The following ATP11A variants were observed in gnomAD, a reference collection of about 807,000 sequenced individuals.
ATP11A encodes the protein ATPase phospholipid transporting 11A.
ATP11A carries 81 observed loss-of-function variants against 154.4 expected under a neutral mutation model. That is an observed-to-expected ratio of 0.52 (90% confidence interval 0.44 to 0.63). The LOEUF is 0.63. ATP11A is among the 30% of genes least tolerant of loss of function. The probability of loss-of-function intolerance (pLI) is 0.00; values close to 1 mark genes in which losing one functional copy is unlikely to be tolerated. For missense variants in ATP11A, 1,316 were observed against 1,474.3 expected, an observed-to-expected ratio of 0.89 and a Z score of 1.76; for synonymous variants, 623 against 585.9, an observed-to-expected ratio of 1.06 and a Z score of -0.91.
At chr13:112,755,783 C>T (rs976801936) in intron 1 of ATP11A, among the ~76,000 whole-genome samples, 8 of 141,080 alleles carry the variant, frequency 5.7e-5, no homozygotes, top group East Asian at 2.1e-4. Flanking sequence ...TTTCCGGTCA[C>T]GGAAGCGGCA....
intron 1 of ATP11A, among the ~76,000 whole-genome samples, chr13:112,752,819 T>C (rs1006238530): frequency 1.3e-5 from 2 of 152,218 alleles, no homozygotes; most frequent in East Asian, 3.9e-4. Context: ...AATGTAGTTG[T>C]CAGTGTAGCA....
At chr13:112,848,178 G>T (rs946132232) in intron 17 of ATP11A, among the ~76,000 whole-genome samples, 2 of 152,154 alleles carry the variant, frequency 1.3e-5, no homozygotes, top group African/African-American at 4.8e-5. Context: ...TTTGGGTAGT[G>T]TTGTCATCTT....
At chr13:112,835,609 C>T (rs2079211660) in intron 15 of ATP11A, among the ~76,000 whole-genome samples, 1 of 152,206 alleles carries the variant, frequency 6.6e-6, no homozygotes, top group South Asian at 2.1e-4. Flanking sequence ...GCTGGGCTGG[C>T]ACTGCGGCCA....
chr13:112,847,120 C>G (rs1183745584), intron 17 of ATP11A, among the ~76,000 whole-genome samples: 1 of 152,230 alleles, frequency 6.6e-6, no homozygotes, highest in Non-Finnish European at 1.5e-5. Context: ...CGTTCCCCTG[C>G]CCGAGCCTCG....
rs891424479 is a variant in ATP11A at position 112,859,823 on chromosome 13, G to T, written c.2727+371G>T. ...CATGGGCCACCCCGGTGCCTGGCACGTTAACACATGCAACGTGCCCATAGG... is the reference window on the plus strand; with the variant it reads ...CATGGGCCACCCCGGTGCCTGGCACTTTAACACATGCAACGTGCCCATAGG... On this transcript the variant is annotated intron_variant, in intron 23 of 29. Transcript: ENST00000375645. This position sits in a 1 kb window ranked among gnomAD's most constrained non-coding sequence, Gnocchi z 4.3. Among the ~76,000 whole-genome samples, 1 of 152,220 alleles carries T rather than the reference G, an allele frequency of 6.6e-6. No homozygotes were observed.
intron 2 of ATP11A, among the ~76,000 whole-genome samples, chr13:112,802,232 A>G (rs1566501307): frequency 6.6e-6 from 1 of 152,072 alleles, no homozygotes; most frequent in Non-Finnish European, 1.5e-5. Context: ...TGTAGTCCCA[A>G]TTACTCAGGA....
chr13:112,777,103 G>A (rs76707689), intron 1 of ATP11A, among the ~76,000 whole-genome samples: 22 of 152,180 alleles, frequency 1.4e-4, no homozygotes, highest in African/African-American at 5.1e-4. Context: ...AATTTTCCTC[G>A]ACCACTGAAC....
intron 1 of ATP11A, among the ~76,000 whole-genome samples, chr13:112,712,446 C>T (rs1344944169): frequency 6.6e-6 from 1 of 152,194 alleles, no homozygotes; most frequent in Non-Finnish European, 1.5e-5. Context: ...TATCCAAGCT[C>T]ACTGGGCCCC....
At chr13:112,756,506 G>A (rs547600880) in intron 1 of ATP11A, among the ~76,000 whole-genome samples, 1 of 152,298 alleles carries the variant, frequency 6.6e-6, no homozygotes, top group African/African-American at 2.4e-5. Flanking sequence ...CGCTCTCTTG[G>A]TAACAGGGTC....
At chr13:112,847,256 C>T (rs937768636) in intron 17 of ATP11A, among the ~76,000 whole-genome samples, 6 of 152,204 alleles carry the variant, frequency 3.9e-5, no homozygotes, top group African/African-American at 1.4e-4. Flanking sequence ...CCAGAGGGGC[C>T]TGTGTGTCCT....
At chr13:112,873,542 C>A in intron 26 of ATP11A, 31 bp from the exon 27 acceptor site, 1 of 1,531,786 alleles carries the variant, frequency 6.5e-7, no homozygotes, top group South Asian at 1.2e-5. Context: ...TCAGATGACA[C>A]CGTTAACTGC....
intron 1 of ATP11A, among the ~76,000 whole-genome samples, chr13:112,712,121 G>C (rs1012817708): frequency 3.3e-5 from 5 of 152,170 alleles, no homozygotes; most frequent in Non-Finnish European, 5.9e-5. Flanking sequence ...TGGCTCCCAC[G>C]TGTTTTCCCC....
At chr13:112,804,817 T>G (rs2078277935) in intron 2 of ATP11A, 140 bp from the exon 3 acceptor site, 1 of 515,422 alleles carries the variant, frequency 1.9e-6, no homozygotes, top group Non-Finnish European at 3.3e-6. Flanking sequence ...ACAAACACTC[T>G]AAATTATGAA....
chr13:112,819,350 A>G lies in ATP11A; in HGVS notation c.617A>G (p.Asp206Gly), dbSNP rs757493356. Residue 206 changes from aspartate (D) to glycine (G), a missense_variant, in exon 7 of 30, where the codon GAT becomes GGT. Asp to Gly is a moderately conservative substitution (Grantham distance 94). Transcript: ENST00000375645. ...QDTKGFHTEE[D>G]IGGLHATIEC... ...ACCAAAGGCTTCCACACAGAGGAGG[A>G]TATCGGCGGACTTCACGCCACCATC... The G allele has an allele frequency of 2.0e-5, 32 of 1,614,112 alleles. No individual in the cohort carries two copies. Among genetic ancestry groups the G allele is most frequent in the Non-Finnish European group, 2.6e-5 (31 of 1,180,056 alleles).
intron 2 of ATP11A, among the ~76,000 whole-genome samples, chr13:112,793,304 T>C (rs2077909509): frequency 6.6e-6 from 1 of 152,132 alleles, no homozygotes; most frequent in South Asian, 2.1e-4. Flanking sequence ...CGGGTTTAAG[T>C]GATTCTCCTG....
chr13:112,829,977 C>T lies in ATP11A; in HGVS notation c.1222-1398C>T, dbSNP rs1039927946. On this transcript the variant is annotated intron_variant, in intron 12 of 29. Coordinates refer to ENST00000375645, the MANE Select transcript of ATP11A (RefSeq NM_015205.3). ...AGCAAACAATCTTATCTCTGCGTCC[C>T]GAGCTAACAGAACTGACTGGATTTG... Among the ~76,000 whole-genome samples the T allele has an allele frequency of 1.8e-4, 28 of 152,160 alleles. 1 individual carries two copies. Among genetic ancestry groups the T allele is most frequent in the Admixed American group, 1.7e-3 (26 of 15,280 alleles).
At chr13:112,773,748 G>T (rs1388951444) in intron 1 of ATP11A, among the ~76,000 whole-genome samples, 1 of 152,242 alleles carries the variant, frequency 6.6e-6, no homozygotes, top group African/African-American at 2.4e-5. Context: ...TTTAGTCGTG[G>T]TGCCCTCTGT....
chr13:112,870,628 C>G (rs1347291977), intron 25 of ATP11A, among the ~76,000 whole-genome samples: 6 of 152,232 alleles, frequency 3.9e-5, no homozygotes, highest in Non-Finnish European at 8.8e-5. Context: ...CCGCCCACCT[C>G]GGCCTCCCAA....
chr13:112,873,931 G>A (rs912290178), intron 27 of ATP11A, among the ~76,000 whole-genome samples: 6 of 152,126 alleles, frequency 3.9e-5, no homozygotes, highest in East Asian at 3.8e-4. Context: ...CGAGTTATAC[G>A]GAGGAACAGA....
Sources: allele counts gnomAD v4.1 joint callset (sites outside exome capture counted in the v4.1 genomes callset), GRCh38; gene constraint gnomAD v4.1.1; non-coding constraint Gnocchi (gnomAD v3.1); transcripts MANE v1.5; gene names NCBI Gene and HGNC (gene_info 2026-07-23, HGNC 2026-07-21).